PDZRN4: variants seen among roughly 807,000 people sequenced by gnomAD.
PDZRN4 encodes the protein PDZ domain-containing RING finger protein 4.
A neutral mutation model predicts 99.0 loss-of-function variants in PDZRN4; 70 were observed. The observed-to-expected ratio is 0.71, with a 90% CI of 0.58 to 0.86. The LOEUF is 0.86. PDZRN4 is among the 40% of genes least tolerant of loss of function. The pLI, the probability that PDZRN4 is intolerant of heterozygous loss-of-function variation, is 0.00. For synonymous variants in PDZRN4, 551 were observed against 501.6 expected (o/e 1.10, Z -1.32); for missense variants, 1,474 against 1,331.2 (o/e 1.11, Z -1.67).
intron 3 of PDZRN4, among the ~76,000 whole-genome samples, chr12:41,330,995 C>T (rs1242073967): frequency 6.6e-6 from 1 of 151,944 alleles, no homozygotes; most frequent in Non-Finnish European, 1.5e-5. Flanking sequence ...CAATTGAGAC[C>T]AAAAAGCTGA....
chr12:41,437,976 G>A, intron 3 of PDZRN4: 1 of 1,614,124 alleles, frequency 6.2e-7, no homozygotes, highest in Non-Finnish European at 8.5e-7. Flanking sequence ...TTTCAGAAAA[G>A]AGAGGAACAC....
At chr12:41,466,230 C>T (rs1240051604) in intron 3 of PDZRN4, among the ~76,000 whole-genome samples, 1 of 152,064 alleles carries the variant, frequency 6.6e-6, no homozygotes, top group Non-Finnish European at 1.5e-5. Context: ...GCCTATATTG[C>T]CATTTACTTT....
At chr12:41,399,435 G>A (rs1429071617) in intron 3 of PDZRN4, among the ~76,000 whole-genome samples, 2 of 152,096 alleles carry the variant, frequency 1.3e-5, no homozygotes, top group South Asian at 2.1e-4. Context: ...CAAATTAATA[G>A]GGTTTTAAAA....
At chr12:41,270,623 C>T (rs924142683) in intron 3 of PDZRN4, among the ~76,000 whole-genome samples, 1 of 152,032 alleles carries the variant, frequency 6.6e-6, no homozygotes, top group African/African-American at 2.4e-5. Context: ...AGTCAGAATT[C>T]ACCATTTTAA....
In PDZRN4 at chr12:41,322,505, T is replaced by TTTTG. The variant is rs1555129614; in HGVS notation, c.843+128318_843+128321dup. ...TTCTTTCCTTTTTTTTTTTTTTTTT[T>TTTTG]TTTGAGACAGAGTCTCACTCTGTCA... On this transcript the variant is annotated intron_variant, in intron 3 of 9. Transcript: ENST00000402685. Among the ~76,000 whole-genome samples, 288 of 126,218 alleles carry TTTTG rather than the reference T, an allele frequency of 2.3e-3. 9 individuals carry two copies. Among genetic ancestry groups the TTTTG allele is most frequent in the African/African-American group, 7.6e-3 (279 of 36,666 alleles). The allele number at this position is 126,218 out of a possible 152,430, so 82.8% of individuals were successfully genotyped here.
chr12:41,358,347 C>T (rs1338655338), intron 3 of PDZRN4, among the ~76,000 whole-genome samples: 1 of 151,912 alleles, frequency 6.6e-6, no homozygotes, highest in African/African-American at 2.4e-5. Flanking sequence ...TTTTATTAAA[C>T]TCTATTTTCT....
intron 3 of PDZRN4, among the ~76,000 whole-genome samples, chr12:41,488,112 G>A (rs1937810944): frequency 1.3e-5 from 2 of 152,016 alleles, no homozygotes; most frequent in African/African-American, 2.4e-5. Context: ...ATTTTAATCC[G>A]GCAATGTATC....
intron 3 of PDZRN4, among the ~76,000 whole-genome samples, chr12:41,390,225 G>T (rs1439369688): frequency 6.6e-6 from 1 of 152,100 alleles, no homozygotes; most frequent in Non-Finnish European, 1.5e-5. Flanking sequence ...AAGTATTACT[G>T]CCCAGAAGAG....
intron 3 of PDZRN4, among the ~76,000 whole-genome samples, chr12:41,219,669 A>G (rs1011063953): frequency 6.6e-6 from 1 of 152,136 alleles, no homozygotes; most frequent in Non-Finnish European, 1.5e-5. Context: ...ACTGTTAGAT[A>G]ACACAGAGTA....
intron 3 of PDZRN4, among the ~76,000 whole-genome samples, chr12:41,428,032 G>T (rs1472475775): frequency 6.6e-6 from 1 of 152,152 alleles, no homozygotes; most frequent in African/African-American, 2.4e-5. Flanking sequence ...AGGTTGTGGT[G>T]AGCCAAGATT....
chr12:41,383,245 T>C (rs1952139747), intron 3 of PDZRN4, among the ~76,000 whole-genome samples: 1 of 152,174 alleles, frequency 6.6e-6, no homozygotes, highest in East Asian at 1.9e-4. Flanking sequence ...GTTTTTGCCA[T>C]GTAGATGCTC....
At chr12:41,222,678 C>A (rs1450160732) in intron 3 of PDZRN4, among the ~76,000 whole-genome samples, 2 of 152,052 alleles carry the variant, frequency 1.3e-5, no homozygotes, top group African/African-American at 2.4e-5. Context: ...GTGCACACCA[C>A]CATGCCCGGC....
intron 3 of PDZRN4, among the ~76,000 whole-genome samples, chr12:41,431,384 A>G (rs1298160703): frequency 6.6e-6 from 1 of 152,168 alleles, no homozygotes; most frequent in East Asian, 1.9e-4. Context: ...AACAATAATG[A>G]TTTGCCCCAC....
At chr12:41,450,445 A>G (rs767713807) in intron 3 of PDZRN4, among the ~76,000 whole-genome samples, 1 of 152,232 alleles carries the variant, frequency 6.6e-6, no homozygotes, top group Non-Finnish European at 1.5e-5. Context: ...ACTTAGCTTT[A>G]AACTGTGACC....
At chr12:41,221,231 C>T (rs527269422) in intron 3 of PDZRN4, among the ~76,000 whole-genome samples, 2 of 152,296 alleles carry the variant, frequency 1.3e-5, no homozygotes, top group East Asian at 3.9e-4. Context: ...ACCTTTAAGG[C>T]TTGTGAAGTT....
intron 7 of PDZRN4, among the ~76,000 whole-genome samples, chr12:41,559,513 A>G (rs1412686989): frequency 6.6e-6 from 1 of 152,160 alleles, no homozygotes; most frequent in East Asian, 1.9e-4. Context: ...CAAGGAGAGA[A>G]TGCTATATTC....
intron 3 of PDZRN4, among the ~76,000 whole-genome samples, chr12:41,397,903 G>C (rs1253269707): frequency 6.6e-6 from 1 of 152,002 alleles, no homozygotes; most frequent in Admixed American, 6.6e-5. Flanking sequence ...ACACAGAATT[G>C]CCACTTATAG....
intron 3 of PDZRN4, among the ~76,000 whole-genome samples, chr12:41,195,974 G>A (rs1342547084): frequency 1.3e-5 from 2 of 151,960 alleles, no homozygotes; most frequent in Non-Finnish European, 2.9e-5. Context: ...ACAGAAATAC[G>A]TATTGGCAAT....
intron 3 of PDZRN4, among the ~76,000 whole-genome samples, chr12:41,490,622 A>T (rs903259370): frequency 7.9e-5 from 12 of 152,058 alleles, no homozygotes; most frequent in Admixed American, 5.9e-4. Context: ...GTTATATGTT[A>T]TCTCCCCCAC....
Sources: gnomAD v4.1 joint callset for allele counts (sites outside exome capture counted in the v4.1 genomes callset) on GRCh38, gnomAD v4.1.1 for gene constraint, MANE v1.5 for transcripts, NCBI Gene and HGNC (gene_info 2026-07-23, HGNC 2026-07-21) for gene names.